MTUS2: variants seen among roughly 807,000 people sequenced by gnomAD.
MTUS2 encodes the protein microtubule-associated tumor suppressor candidate 2.
A neutral mutation model predicts 114.1 loss-of-function variants in MTUS2; 40 were observed. That is an observed-to-expected ratio of 0.35 (90% CI 0.27 to 0.46). The LOEUF (loss-of-function observed/expected upper bound fraction) is 0.46. MTUS2 is among the 20% of genes least tolerant of loss of function. MTUS2 has a pLI of 1.00. For missense variants in MTUS2, 1,679 were observed against 1,705.4 expected (o/e 0.98, Z 0.27); for synonymous variants, 688 against 672.0 (o/e 1.02, Z -0.37).
chr13:28,933,032 T>C (rs2138096623), intron 2 of MTUS2, among the ~76,000 whole-genome samples: 1 of 152,258 alleles, frequency 6.6e-6, no homozygotes, highest in South Asian at 2.1e-4. Context: ...TTGTGTTGTG[T>C]GTCTCCTGGA....
At chr13:29,064,662 A>G (rs1278924739) in intron 4 of MTUS2, among the ~76,000 whole-genome samples, 1 of 152,090 alleles carries the variant, frequency 6.6e-6, no homozygotes, top group Non-Finnish European at 1.5e-5. Context: ...TTCGGGGTAC[A>G]TGTGCAGGTT....
At chr13:29,134,240 GA>G (rs1253360429) in intron 5 of MTUS2, among the ~76,000 whole-genome samples, 4 of 152,090 alleles carry the variant, frequency 2.6e-5, no homozygotes, top group African/African-American at 9.7e-5. Context: ...GTTGTAGTAA[GA>G]GAAGAAAATT....
At chr13:28,997,392 G>GAA (rs1481442089) in intron 2 of MTUS2, among the ~76,000 whole-genome samples, 1 of 152,202 alleles carries the variant, frequency 6.6e-6, no homozygotes, top group South Asian at 2.1e-4. Flanking sequence ...GAGTTCTGTA[G>GAA]ATGTCTATTA....
chr13:29,446,049 C>G lies in MTUS2; in HGVS notation c.3184+6000C>G, dbSNP rs570613907. On this transcript the variant is annotated intron_variant, in intron 9 of 15. Transcript: ENST00000612955. ...CTGGTGACCAGCCCCATCCTAAAGT[C>G]AAACAGGGACCCTACCCTAAGTCAT... Among the ~76,000 whole-genome samples the G allele has an allele frequency of 6.3e-4, 96 of 152,252 alleles. 1 individual carries two copies. The highest frequency in any genetic ancestry group is 2.1e-3 in the African/African-American group (89 of 41,552).
At chr13:28,860,523 T>A (rs1213560151) in intron 2 of MTUS2, among the ~76,000 whole-genome samples, 1 of 152,184 alleles carries the variant, frequency 6.6e-6, no homozygotes, top group African/African-American at 2.4e-5. Flanking sequence ...AAGGGGGCTA[T>A]CTGGCCTTCA....
intron 6 of MTUS2, among the ~76,000 whole-genome samples, chr13:29,311,087 C>G (rs746048408): frequency 6.6e-6 from 1 of 152,144 alleles, no homozygotes; most frequent in Non-Finnish European, 1.5e-5. Flanking sequence ...ATGAAAATTA[C>G]AAGTACAATG....
At chr13:29,367,942 CTT>C (rs545792343) in intron 8 of MTUS2, among the ~76,000 whole-genome samples, 2 of 134,578 alleles carry the variant, frequency 1.5e-5, no homozygotes, top group Admixed American at 7.5e-5. Context: ...GAATCTACTT[CTT>C]TTTTTTTTTT....
intron 4 of MTUS2, among the ~76,000 whole-genome samples, chr13:29,057,438 T>G (rs557107646): frequency 1.0e-3 from 152 of 152,262 alleles, no homozygotes; most frequent in Non-Finnish European, 6.5e-4. Flanking sequence ...CTAAGTCTCT[T>G]CATAGGTCTC....
intron 2 of MTUS2, among the ~76,000 whole-genome samples, chr13:28,991,870 TG>T (rs1017468565): frequency 8.0e-4 from 122 of 152,222 alleles, no homozygotes; most frequent in African/African-American, 2.8e-3. Flanking sequence ...CAGTTACCTC[TG>T]AGATGTCAAG....
intron 2 of MTUS2, among the ~76,000 whole-genome samples, chr13:28,991,755 C>G (rs1229867195): frequency 1.3e-5 from 2 of 152,162 alleles, no homozygotes; most frequent in African/African-American, 4.8e-5. Flanking sequence ...AACCTGGCTA[C>G]TTCTTATCCT....
chr13:29,286,703 T>TATCTATCTATCTATCTATC (rs1555261591), intron 6 of MTUS2, among the ~76,000 whole-genome samples: 2 of 152,052 alleles, frequency 1.3e-5, no homozygotes, highest in African/African-American at 2.4e-5. Context: ...TCTATCTTAC[T>TATCTATCTATCTATCTATC]TATTTGAGAC....
chr13:29,408,864 AC>A (rs995815262), intron 8 of MTUS2, among the ~76,000 whole-genome samples: 35 of 152,174 alleles, frequency 2.3e-4, no homozygotes, highest in African/African-American at 8.4e-4. Flanking sequence ...ATCCAACACC[AC>A]AGGGTTTGTT....
chr13:29,124,711 A>C (rs1417798335), intron 5 of MTUS2, among the ~76,000 whole-genome samples: 1 of 152,236 alleles, frequency 6.6e-6, no homozygotes, highest in Non-Finnish European at 1.5e-5. Context: ...ATGGATAAAC[A>C]AAATGTCATT....
intron 5 of MTUS2, among the ~76,000 whole-genome samples, chr13:29,254,922 C>T (rs1897245118): frequency 6.6e-6 from 1 of 152,172 alleles, no homozygotes; most frequent in Non-Finnish European, 1.5e-5. Context: ...CTCATTCTTC[C>T]CTCATTCTGT....
intron 4 of MTUS2, among the ~76,000 whole-genome samples, chr13:29,064,473 A>G (rs1593438323): frequency 1.9e-4 from 1 of 5,376 alleles, no homozygotes; most frequent in Non-Finnish European, 1.6e-3. Flanking sequence ...TTATATTTTG[A>G]AGAGACAGTT....
chr13:29,161,330 T>C (rs1442088267), intron 5 of MTUS2, among the ~76,000 whole-genome samples: 1 of 152,128 alleles, frequency 6.6e-6, no homozygotes, highest in Non-Finnish European at 1.5e-5. Flanking sequence ...TATTAATTTC[T>C]CAAAATTTCA....
chr13:28,875,171 T>C (rs1252020929), intron 2 of MTUS2, among the ~76,000 whole-genome samples: 1 of 151,888 alleles, frequency 6.6e-6, no homozygotes, highest in Non-Finnish European at 1.5e-5. Flanking sequence ...CAAACTTAGA[T>C]AAAGCACCAG....
At chr13:29,228,327 C>G (rs145476440) in intron 5 of MTUS2, among the ~76,000 whole-genome samples, 20 of 152,206 alleles carry the variant, frequency 1.3e-4, no homozygotes, top group African/African-American at 3.6e-4. Flanking sequence ...AAAGAGCCCA[C>G]CTCTTTTTTT....
At chr13:29,458,669 G>A (rs936680831) in intron 9 of MTUS2, among the ~76,000 whole-genome samples, 16 of 152,122 alleles carry the variant, frequency 1.1e-4, no homozygotes, top group African/African-American at 3.6e-4. Context: ...TCACCTCTTG[G>A]TGAACCACAG....
Sources: gnomAD v4.1 joint callset for allele counts (sites outside exome capture counted in the v4.1 genomes callset) on GRCh38, gnomAD v4.1.1 for gene constraint, MANE v1.5 for transcripts, NCBI Gene and HGNC (gene_info 2026-07-23, HGNC 2026-07-21) for gene names.